Variants in SUN1 observed in about 807,000 individuals in gnomAD.
The protein encoded by SUN1 is Sad1 and UNC84 domain containing 1.
SUN1 carries 61 observed loss-of-function variants against 103.2 expected under a neutral mutation model. The observed-to-expected ratio is 0.59, with a 90% CI of 0.48 to 0.73. The LOEUF (loss-of-function observed/expected upper bound fraction) is 0.73, where lower values mean the gene tolerates loss of function less well. Ranked by LOEUF, SUN1 falls within the 30% of genes least tolerant of loss-of-function variation. SUN1 has a pLI of 0.00. For synonymous variants in SUN1, 490 were observed against 425.7 expected (o/e 1.15, Z -1.86); for missense variants, 1,052 against 1,034.6 (o/e 1.02, Z -0.23).
chr7:857,548 C>A (rs1828661659), intron 12 of SUN1, among the ~76,000 whole-genome samples: 1 of 152,216 alleles, frequency 6.6e-6, no homozygotes, highest in Admixed American at 6.5e-5. Context: ...AGAGCTCTCA[C>A]TCGCCACTGA....
At chr7:836,800 C>G (rs900434765) in intron 1 of SUN1, among the ~76,000 whole-genome samples, 2 of 152,190 alleles carry the variant, frequency 1.3e-5, no homozygotes, top group Non-Finnish European at 2.9e-5. Context: ...TTGACACATG[C>G]AGGTAACCCC....
upstream of SUN1, among the ~76,000 whole-genome samples, chr7:829,321 G>A (rs1483933580): frequency 6.6e-6 from 1 of 152,196 alleles, no homozygotes; most frequent in Middle Eastern, 3.2e-3. Flanking sequence ...TGGAGACTGG[G>A]AATGGTGTTG....
At chr7:871,550 GCTAA>G (rs1258467579) in intron 17 of SUN1, among the ~76,000 whole-genome samples, 10 of 152,270 alleles carry the variant, frequency 6.6e-5, no homozygotes. Context: ...ACCACACCTG[GCTAA>G]CTTTTTGTAG....
chr7:825,163 A>G (rs928610751), intron 1 of SUN1, among the ~76,000 whole-genome samples: 9 of 151,674 alleles, frequency 5.9e-5, no homozygotes, highest in African/African-American at 1.9e-4. Flanking sequence ...GGTTCACGCC[A>G]TTCTCCTGCC....
chr7:861,200 T>C (rs1204096708), intron 14 of SUN1, among the ~76,000 whole-genome samples, 180 bp from the exon 15 acceptor site: 2 of 152,320 alleles, frequency 1.3e-5, no homozygotes, highest in Middle Eastern at 3.4e-3. Flanking sequence ...TCTGATGGCC[T>C]TGGCAGTCGG....
At chr7:857,550 C>T (rs1272648037) in intron 12 of SUN1, among the ~76,000 whole-genome samples, 1 of 152,194 alleles carries the variant, frequency 6.6e-6, no homozygotes. Context: ...AGCTCTCACT[C>T]GCCACTGAGA....
intron 12 of SUN1, among the ~76,000 whole-genome samples, chr7:857,470 C>T (rs1039974550): frequency 2.0e-5 from 3 of 152,200 alleles, no homozygotes; most frequent in Admixed American, 2.0e-4. Context: ...AACTACTGGG[C>T]TTACAAGCAT....
intron 11 of SUN1, among the ~76,000 whole-genome samples, chr7:855,515 C>T (rs141170158): frequency 8.3e-4 from 127 of 152,326 alleles, no homozygotes; most frequent in Non-Finnish European, 1.6e-3. Flanking sequence ...CTCTTTGTGT[C>T]TCTGGTGCTT....
In SUN1 at chr7:851,433, T is replaced by C. The variant is rs1257430915; in HGVS notation, c.708T>C (p.Ala236=). 1 of 1,610,906 alleles carries C rather than the reference T, an allele frequency of 6.2e-7. No homozygotes were observed. Among genetic ancestry groups the C allele is most frequent in the Non-Finnish European group, 8.5e-7 (1 of 1,178,650 alleles). Residue 236 remains alanine (A), a synonymous_variant, in exon 6 of 19, where the codon GCT becomes GCC. Transcript: ENST00000401592. Reference sequence around the variant, plus strand: ...GCAGGATCGGAGCTGTGGGCCAGGCTGTGTCCAGGACGGCGTGGTCGGCCC... The same window carrying C: ...GCAGGATCGGAGCTGTGGGCCAGGCCGTGTCCAGGACGGCGTGGTCGGCCC... ...ILRRIGAVGQ[A]VSRTAWSALW... is the part of the protein sequence containing the mutation.
intron 5 of SUN1, among the ~76,000 whole-genome samples, chr7:846,046 CTT>C (rs1321972758): frequency 6.6e-6 from 1 of 152,084 alleles, no homozygotes; most frequent in Non-Finnish European, 1.5e-5. Flanking sequence ...TTTAGCATCT[CTT>C]TTCATTTTGT....
Position 822,638 on chromosome 7 carries a change from A to G in SUN1, c.-74+5965A>G, listed in dbSNP as rs139043822. Among the ~76,000 whole-genome samples, 60 of 152,370 alleles carry G rather than the reference A, an allele frequency of 3.9e-4. 1 individual carries two copies. The highest frequency in any genetic ancestry group is 5.9e-4 in the Admixed American group (9 of 15,306). On this transcript the variant is annotated intron_variant, in intron 1 of 17. Transcript: ENST00000389574. ...ATTTTATTGCTACAAACTGAAAAGTATTCACCTTGAGCCTGGTACTTGGTG... is the reference window on the plus strand; with the variant it reads ...ATTTTATTGCTACAAACTGAAAAGTGTTCACCTTGAGCCTGGTACTTGGTG...
intron 10 of SUN1, 28 bp from the exon 11 acceptor site, chr7:854,892 C>CATTT: frequency 6.4e-7 from 1 of 1,559,532 alleles, no homozygotes; most frequent in Non-Finnish European, 8.8e-7. Context: ...CTTTCTCCAT[C>CATTT]ATTTGTTCAC....
At chr7:865,869 TAATA>T (rs1836087693) in intron 15 of SUN1, 79 bp from the exon 16 acceptor site, 3 of 1,155,928 alleles carry the variant, frequency 2.6e-6, no homozygotes, top group African/African-American at 1.5e-5. Context: ...GGAAACATTT[TAATA>T]AATCCTGAAG....
chr7:843,718 A>C, intron 5 of SUN1, 198 bp downstream of exon 5: 3 of 1,430,490 alleles, frequency 2.1e-6, no homozygotes, highest in Admixed American at 6.6e-5. Flanking sequence ...GTAATTTTGT[A>C]CCTAAAAGTA....
chr7:872,698 G>C, intron 18 of SUN1, 136 bp downstream of exon 18: 1 of 681,098 alleles, frequency 1.5e-6, no homozygotes, highest in Non-Finnish European at 2.5e-6. Flanking sequence ...GCGCTTCCTG[G>C]CTCTGCGTTA....
chr7:820,522 A>C (rs909789267), intron 1 of SUN1, among the ~76,000 whole-genome samples: 2 of 152,220 alleles, frequency 1.3e-5, no homozygotes, highest in African/African-American at 4.8e-5. Flanking sequence ...ATCTGAGAAT[A>C]AAGATAGTTT....
At chr7:839,477 C>T (rs1356896035) in intron 2 of SUN1, among the ~76,000 whole-genome samples, 3 of 152,230 alleles carry the variant, frequency 2.0e-5, no homozygotes, top group South Asian at 2.1e-4. Context: ...CTCTGTCTCC[C>T]GGGTTCAAGC....
intron 1 of SUN1, among the ~76,000 whole-genome samples, chr7:822,446 C>T (rs935339233): frequency 2.6e-5 from 4 of 152,202 alleles, no homozygotes; most frequent in Admixed American, 1.3e-4. Flanking sequence ...TCATCACATC[C>T]AGGTGCCGGG....
chr7:819,554 C>T (rs1262319513), intron 1 of SUN1, among the ~76,000 whole-genome samples: 1 of 152,058 alleles, frequency 6.6e-6, no homozygotes, highest in Non-Finnish European at 1.5e-5. Context: ...TTCTTTTGCA[C>T]GTGGATTTTG....
Sources: allele counts gnomAD v4.1 joint callset (sites outside exome capture counted in the v4.1 genomes callset), GRCh38; gene constraint gnomAD v4.1.1; transcripts MANE v1.5; gene names NCBI Gene and HGNC (gene_info 2026-07-23, HGNC 2026-07-21).